The following DCLK2 variants were observed in gnomAD, a reference collection of about 807,000 sequenced individuals.
The protein encoded by DCLK2 is doublecortin like kinase 2, also known as serine/threonine-protein kinase DCLK2.
DCLK2 carries 31 observed loss-of-function variants against 78.4 expected under a neutral mutation model. The ratio of observed to expected loss-of-function variants is 0.40; its 90% confidence interval spans 0.30 to 0.53. The LOEUF is 0.53. Ranked by LOEUF, DCLK2 falls within the 20% of genes least tolerant of loss-of-function variation. The probability of loss-of-function intolerance (pLI) is 0.61; values close to 1 mark genes in which losing one functional copy is unlikely to be tolerated. For missense variants in DCLK2, 872 were observed against 973.7 expected (o/e 0.90, Z 1.39); for synonymous variants, 407 against 374.9 (o/e 1.09, Z -0.99).
intron 1 of DCLK2, among the ~76,000 whole-genome samples, chr4:150,095,017 C>T (rs530060526): frequency 4.2e-4 from 64 of 152,274 alleles, no homozygotes; most frequent in African/African-American, 1.5e-3. Flanking sequence ...CACTAAGAAC[C>T]ACTAGCAGAA....
At chr4:150,195,943 TTTG>T (rs1338268839) in intron 3 of DCLK2, among the ~76,000 whole-genome samples, 4 of 152,154 alleles carry the variant, frequency 2.6e-5, no homozygotes, top group African/African-American at 9.7e-5. Flanking sequence ...CACTGCTATC[TTTG>T]TTGTTGTTAA....
Position 150,256,367 on chromosome 4 carries a change from G to A in DCLK2, c.*120G>A. Reference sequence around the variant, plus strand: ...TCACCGCCTGCGCCTGAGTTCGCGGGTCCTCCGCAGGCCGCCTGGGAACCG... The same window carrying A: ...TCACCGCCTGCGCCTGAGTTCGCGGATCCTCCGCAGGCCGCCTGGGAACCG... On this transcript the variant is annotated 3_prime_UTR_variant, in exon 16 of 16. Coordinates refer to ENST00000296550, the MANE Select transcript of DCLK2 (RefSeq NM_001040260.4). The A allele has an allele frequency of 4.4e-6, 6 of 1,348,812 alleles. No individual in the cohort carries two copies. The highest frequency in any genetic ancestry group is 5.9e-6 in the Non-Finnish European group (6 of 1,024,748). 83.6% of individuals were successfully genotyped at this position (1,348,812 alleles called of 1,614,324 possible).
chr4:150,181,287 C>A (rs1737495383), intron 2 of DCLK2, among the ~76,000 whole-genome samples: 1 of 152,128 alleles, frequency 6.6e-6, no homozygotes, highest in African/African-American at 2.4e-5. Context: ...ACAGTTCCAG[C>A]CTTCTTCACT....
intron 5 of DCLK2, among the ~76,000 whole-genome samples, chr4:150,212,931 A>G (rs534231182): frequency 6.6e-6 from 1 of 152,312 alleles, no homozygotes; most frequent in Admixed American, 6.5e-5. Context: ...TGCTTGTAGT[A>G]GCCTCCATAG....
At position 150,175,052 on chromosome 4, in the gene DCLK2, T is replaced by TTATA. The variant is rs1171255687; in HGVS notation, c.757-18078_757-18075dup. Among the ~76,000 whole-genome samples, 12 of 27,764 alleles carry TTATA rather than the reference T, an allele frequency of 4.3e-4. 5 individuals carry two copies. Among genetic ancestry groups the TTATA allele is most frequent in the Non-Finnish European group, 7.7e-4 (10 of 12,934 alleles). 18.2% of individuals were successfully genotyped at this position (27,764 alleles called of 152,430 possible). On this transcript the variant is annotated intron_variant, in intron 2 of 15. Coordinates refer to ENST00000296550, the MANE Select transcript of DCLK2 (RefSeq NM_001040260.4). ...TATATATTTATATATATTTATATATTTATATATATATTTATATATATTTAT... is the reference window on the plus strand; with the variant it reads ...TATATATTTATATATATTTATATATTTATATATATATATATTTATATATATTTAT...
chr4:150,214,822 C>T (rs1053800370), intron 5 of DCLK2, among the ~76,000 whole-genome samples: 1 of 151,864 alleles, frequency 6.6e-6, no homozygotes, highest in Non-Finnish European at 1.5e-5. Flanking sequence ...ATTAGCCAGG[C>T]GTGGTGGCAC....
intron 2 of DCLK2, among the ~76,000 whole-genome samples, chr4:150,143,287 C>T (rs1258347455): frequency 1.3e-5 from 2 of 152,090 alleles, no homozygotes; most frequent in Non-Finnish European, 2.9e-5. Flanking sequence ...TTTATCCGGT[C>T]AACTGTTGAT....
intron 2 of DCLK2, among the ~76,000 whole-genome samples, chr4:150,165,992 C>T (rs897883329): frequency 6.6e-6 from 1 of 152,112 alleles, no homozygotes; most frequent in African/African-American, 2.4e-5. Context: ...TGTGGGATGA[C>T]CATCTGTAGA....
rs1178623878 is a variant in DCLK2 at position 150,249,682 on chromosome 4, A to C, written c.2071A>C (p.Met691Leu). ...CACTACCACCGGGGTCTCCGTCATCATGGTGAGTGGAAGGCGGCAGGTCTG... is the reference window on the plus strand; with the variant it reads ...CACTACCACCGGGGTCTCCGTCATCCTGGTGAGTGGAAGGCGGCAGGTCTG... ...NSTTTGVSVI[M>L]NTALDKEGQI... Residue 691 changes from methionine (M) to leucine (L), a missense_variant and splice_region_variant, in exon 15 of 16, where the codon ATG becomes CTG. Transcript: ENST00000296550. The C allele has an allele frequency of 6.2e-7, 1 of 1,612,736 alleles. No homozygotes were observed. The highest frequency in any genetic ancestry group is 1.3e-5 in the African/African-American group (1 of 74,922).
At chr4:150,242,913 A>G (rs865950860) in intron 12 of DCLK2, among the ~76,000 whole-genome samples, 8 of 151,382 alleles carry the variant, frequency 5.3e-5, no homozygotes, top group Middle Eastern at 3.4e-3. Flanking sequence ...TTTTGGGAGA[A>G]GGGGTCAAGT....
chr4:150,257,305 T>C lies in DCLK2; in HGVS notation c.*1058T>C, dbSNP rs1744638702. 1 of 152,726 alleles carries C rather than the reference T, an allele frequency of 6.5e-6. No homozygotes were observed. Among genetic ancestry groups the C allele is most frequent in the Admixed American group, 6.5e-5 (1 of 15,288 alleles). The allele number at this position is 152,726 out of a possible 1,614,324, so 9.5% of individuals were successfully genotyped here. A position where few individuals can be genotyped will look rare whatever the true frequency, so the allele number is the denominator to read the frequency against. ...TCCACCACCCTGCTCTTTTTAATAATTGTACATAATCCGTGTATTTGTTTT... is the reference window on the plus strand; with the variant it reads ...TCCACCACCCTGCTCTTTTTAATAACTGTACATAATCCGTGTATTTGTTTT... On this transcript the variant is annotated 3_prime_UTR_variant, in exon 16 of 16. Coordinates refer to ENST00000296550, the MANE Select transcript of DCLK2 (RefSeq NM_001040260.4).
At position 150,079,419 on chromosome 4, in the gene DCLK2, A is replaced by C; in HGVS notation, c.392A>C (p.Lys131Thr). Residue 131 changes from lysine (K) to threonine (T), a missense_variant, in exon 1 of 16, where the codon AAG becomes ACG. By Grantham distance (78) the Lys-to-Thr change is moderately conservative. Around this residue, in one of 3 missense-constraint regions of DCLK2, gnomAD observed 567 missense variants for 593.4 expected, o/e 0.96. Coordinates refer to ENST00000296550, the MANE Select transcript of DCLK2 (RefSeq NM_001040260.4). ...RTIYTIDGSR[K>T]VTSLDELLEG... ...ATCTACACCATCGACGGCAGCCGGAAGGTCACCAGCCTGGACGAGCTGCTG... is the reference window on the plus strand; with the variant it reads ...ATCTACACCATCGACGGCAGCCGGACGGTCACCAGCCTGGACGAGCTGCTG... 6.4e-7 allele frequency: 1 copy of C among 1,554,036 alleles called. No individual in the cohort carries two copies. Among genetic ancestry groups the C allele is most frequent in the Non-Finnish European group, 8.7e-7 (1 of 1,145,006 alleles).
At position 150,117,069 on chromosome 4, in the gene DCLK2, G is replaced by T. The variant is rs185842905; in HGVS notation, c.756+14257G>T. 2.0e-4 allele frequency among the ~76,000 whole-genome samples: 30 copies of T among 152,278 alleles called. No individual in the cohort carries two copies. In the East Asian group the frequency reaches 5.6e-3, roughly 28 times the overall value. ...GGTGGGTGGAGGGACAATGCCAGGTGGGGGCTGGATAAGGCAGGACTGCAC... is the reference window on the plus strand; with the variant it reads ...GGTGGGTGGAGGGACAATGCCAGGTTGGGGCTGGATAAGGCAGGACTGCAC... On this transcript the variant is annotated intron_variant, in intron 2 of 15. Coordinates refer to ENST00000296550, the MANE Select transcript of DCLK2 (RefSeq NM_001040260.4).
intron 2 of DCLK2, among the ~76,000 whole-genome samples, chr4:150,138,253 ACT>A (rs1464560143): frequency 2.6e-5 from 4 of 152,186 alleles, no homozygotes; most frequent in African/African-American, 9.6e-5. Flanking sequence ...GCTTTGTCAC[ACT>A]CTAGCTGTGG....
At chr4:150,253,216 A>G (rs1331841236) in intron 15 of DCLK2, 1 of 515,640 alleles carries the variant, frequency 1.9e-6, no homozygotes, top group African/African-American at 1.9e-5. Flanking sequence ...CCTGGTACTC[A>G]TAGGTCCTCA....
At chr4:150,211,028 T>G (rs1740272379) in intron 5 of DCLK2, among the ~76,000 whole-genome samples, 1 of 152,160 alleles carries the variant, frequency 6.6e-6, no homozygotes, top group Non-Finnish European at 1.5e-5. Flanking sequence ...AAAATTTATT[T>G]TCACACACAG....
chr4:150,222,420 G>C (rs72951532), intron 7 of DCLK2, among the ~76,000 whole-genome samples: 1 of 152,098 alleles, frequency 6.6e-6, no homozygotes, highest in Non-Finnish European at 1.5e-5. Context: ...TATATTTACC[G>C]GTGTCAGGCA....
At chr4:150,243,003 G>C (rs1743040952) in intron 12 of DCLK2, among the ~76,000 whole-genome samples, 1 of 152,184 alleles carries the variant, frequency 6.6e-6, no homozygotes, top group Admixed American at 6.5e-5. Context: ...AACCCAAGCT[G>C]GGATCAGCTG....
chr4:150,234,210 T>G (rs1263550648), intron 10 of DCLK2, among the ~76,000 whole-genome samples: 1 of 152,194 alleles, frequency 6.6e-6, no homozygotes, highest in Non-Finnish European at 1.5e-5. Context: ...TGAGCAAAAG[T>G]TAAGTCTTCT....
Sources: gnomAD v4.1 joint callset for allele counts (sites outside exome capture counted in the v4.1 genomes callset) on GRCh38, gnomAD v4.1.1 for gene constraint, gnomAD v4.1.1 regional missense constraint, MANE v1.5 for transcripts, NCBI Gene and HGNC (gene_info 2026-07-23, HGNC 2026-07-21) for gene names.